Variants in NDUFA12 observed in about 807,000 individuals in gnomAD.
NDUFA12 encodes NADH dehydrogenase [ubiquinone] 1 alpha subcomplex subunit 12.
A neutral mutation model predicts 20.3 loss-of-function variants in NDUFA12; 17 were observed. That is an observed-to-expected ratio of 0.84 (90% CI 0.57 to 1.26). The LOEUF is 1.26. NDUFA12 is among the 50% of genes most tolerant of loss of function. The pLI is 0.00. For missense variants in NDUFA12, 191 were observed against 183.7 expected (o/e 1.04, Z -0.23); for synonymous variants, 72 against 63.6 (o/e 1.13, Z -0.63).
chr12:94,991,651 T>C (rs534931763), intron 3 of NDUFA12, among the ~76,000 whole-genome samples: 1 of 145,418 alleles, frequency 6.9e-6, no homozygotes, highest in African/African-American at 2.5e-5. Context: ...TGCTTGAACC[T>C]GGGAGGCGGA....
At chr12:94,980,860 C>T (rs1330868706) in intron 3 of NDUFA12, among the ~76,000 whole-genome samples, 1 of 151,568 alleles carries the variant, frequency 6.6e-6, no homozygotes, top group Non-Finnish European at 1.5e-5. Context: ...GGTTCCAATA[C>T]TTCAAACCAC....
rs1874738626 is a variant in NDUFA12, at chr12:94,994,075, G to A, written c.257+95C>T. 2.7e-6 allele frequency: 3 copies of A among 1,096,352 alleles called. No individual in the cohort carries two copies. In the South Asian group the frequency reaches 3.9e-5, roughly 14 times the overall value. 67.9% of individuals were successfully genotyped at this position (1,096,352 alleles called of 1,614,324 possible). A position where few individuals can be genotyped will look rare whatever the true frequency, so the allele number is the denominator to read the frequency against. ...GGAGGTCAAAGCTGACATGAGTCAT[G>A]ATCATGTCACTGCACTCCAGCCTGG... On this transcript the variant is annotated intron_variant, in intron 3 of 3. Transcript: ENST00000327772.
intron 1 of NDUFA12, among the ~76,000 whole-genome samples, chr12:95,003,206 A>C (rs1195946434): frequency 6.6e-6 from 1 of 152,204 alleles, no homozygotes; most frequent in African/African-American, 2.4e-5. Flanking sequence ...TCGTGGGATC[A>C]GTGAATGTCA....
chr12:94,999,742 T>G (rs1311881155), intron 2 of NDUFA12, among the ~76,000 whole-genome samples: 6 of 152,110 alleles, frequency 3.9e-5, no homozygotes, highest in Non-Finnish European at 8.8e-5. Context: ...CATCACTGAT[T>G]ATCAGGAAAA....
At chr12:94,996,828 A>T (rs981092765) in intron 2 of NDUFA12, 17 of 209,684 alleles carry the variant, frequency 8.1e-5, no homozygotes, top group Non-Finnish European at 1.5e-4. Context: ...TCAAAAAAAA[A>T]AAAAAAATTA....
chr12:94,981,560 A>G (rs994691009), intron 3 of NDUFA12, among the ~76,000 whole-genome samples: 3 of 152,254 alleles, frequency 2.0e-5, no homozygotes, highest in Non-Finnish European at 4.4e-5. Context: ...TGCTGATCCC[A>G]TAAGAGAATA....
intron 2 of NDUFA12, among the ~76,000 whole-genome samples, chr12:95,000,066 G>T (rs1333861720): frequency 6.6e-6 from 1 of 152,156 alleles, no homozygotes; most frequent in African/African-American, 2.4e-5. Context: ...CAAAAATAAG[G>T]AACCAACCTA....
At chr12:94,996,026 A>G (rs764970141) in intron 2 of NDUFA12, among the ~76,000 whole-genome samples, 1 of 151,518 alleles carries the variant, frequency 6.6e-6, no homozygotes, top group Non-Finnish European at 1.5e-5. Flanking sequence ...TGGGCAACAT[A>G]GTGAAACCTT....
chr12:94,998,504 T>G (rs1874910869), intron 2 of NDUFA12, among the ~76,000 whole-genome samples: 1 of 152,114 alleles, frequency 6.6e-6, no homozygotes, highest in Admixed American at 6.5e-5. Context: ...AGGAAAGAAA[T>G]AAAGTGCATC....
intron 3 of NDUFA12, among the ~76,000 whole-genome samples, chr12:94,985,469 A>G (rs1340914314): frequency 1.3e-5 from 2 of 151,878 alleles, no homozygotes; most frequent in Non-Finnish European, 2.9e-5. Flanking sequence ...CTAAAAAAAT[A>G]CAAAAAATTT....
chr12:94,995,324 C>T (rs1316253135), intron 2 of NDUFA12, among the ~76,000 whole-genome samples: 1 of 152,114 alleles, frequency 6.6e-6, no homozygotes, highest in Non-Finnish European at 1.5e-5. Context: ...TAAAAGTAAA[C>T]TATAATCCAG....
chr12:94,977,825 A>C (rs1360332414), intron 3 of NDUFA12, among the ~76,000 whole-genome samples: 1 of 152,214 alleles, frequency 6.6e-6, no homozygotes, highest in African/African-American at 2.4e-5. Flanking sequence ...TATAAAAAAA[A>C]TGTTAAGCAG....
In NDUFA12 at chr12:94,984,944, C is replaced by T. The variant is rs1241852704; in HGVS notation, c.257+9226G>A. Among the ~76,000 whole-genome samples the T allele has an allele frequency of 2.1e-5, 3 of 142,634 alleles. No individual in the cohort carries two copies. In the East Asian group the frequency reaches 6.0e-4, roughly 29 times the overall value. The allele number at this position is 142,634 out of a possible 152,430, so 93.6% of individuals were successfully genotyped here. Reference sequence around the variant, plus strand: ...AGTGAGTCAAGATCGCACCACTGCACTCCAGCCTGGCAACAGAGCGAGACT... The same window carrying T: ...AGTGAGTCAAGATCGCACCACTGCATTCCAGCCTGGCAACAGAGCGAGACT... On this transcript the variant is annotated intron_variant, in intron 3 of 3. Coordinates refer to ENST00000327772, the MANE Select transcript of NDUFA12 (RefSeq NM_018838.5).
At chr12:94,975,811 G>T (rs1488499528) in intron 3 of NDUFA12, among the ~76,000 whole-genome samples, 1 of 152,166 alleles carries the variant, frequency 6.6e-6, no homozygotes, top group Non-Finnish European at 1.5e-5. Context: ...CACTTCTGGA[G>T]GCCAAGGTGG....
In NDUFA12 at chr12:94,994,271, T is replaced by C. The variant is rs1162104820; in HGVS notation, c.170-14A>G. The C allele has an allele frequency of 4.3e-6, 7 of 1,610,792 alleles. No homozygotes were observed. The East Asian group carries it at 1.6e-4, about 36-fold the overall frequency. ...ATCGGTGACGGCCTGGGTGGGAAGA[T>C]GAACATTTAAAAAGAAAAACTTTTT... On this transcript the variant is annotated splice_polypyrimidine_tract_variant and intron_variant, in intron 2 of 3. Transcript: ENST00000327772.
At chr12:95,001,660 T>C (rs913052484) in intron 2 of NDUFA12, among the ~76,000 whole-genome samples, 1 of 152,138 alleles carries the variant, frequency 6.6e-6, no homozygotes, top group Non-Finnish European at 1.5e-5. Context: ...TTTTAAAATA[T>C]AATAAAACAA....
chr12:94,975,824 G>A (rs1324779899), intron 3 of NDUFA12, among the ~76,000 whole-genome samples: 3 of 152,122 alleles, frequency 2.0e-5, no homozygotes, highest in Non-Finnish European at 4.4e-5. Context: ...CAAGGTGGGA[G>A]GATCGCTTGA....
At chr12:95,002,143 G>T (rs1198989858) in intron 2 of NDUFA12, among the ~76,000 whole-genome samples, 1 of 151,604 alleles carries the variant, frequency 6.6e-6, no homozygotes, top group Non-Finnish European at 1.5e-5. Context: ...GGATTTATCA[G>T]CTTGAAAAAT....
chr12:95,002,077 T>G (rs1875058716), intron 2 of NDUFA12, among the ~76,000 whole-genome samples: 1 of 151,952 alleles, frequency 6.6e-6, no homozygotes, highest in Non-Finnish European at 1.5e-5. Flanking sequence ...GTTACCAAAT[T>G]ATCCCTCCAA....
Sources: gnomAD v4.1 joint callset for allele counts (sites outside exome capture counted in the v4.1 genomes callset) on GRCh38, gnomAD v4.1.1 for gene constraint, MANE v1.5 for transcripts, NCBI Gene and HGNC (gene_info 2026-07-23, HGNC 2026-07-21) for gene names.